RNF220: variants seen among roughly 807,000 people sequenced by gnomAD.
RNF220 encodes E3 ubiquitin-protein ligase RNF220.
In RNF220, 7 loss-of-function variants were observed where a neutral mutation model predicts 67.1. The ratio of observed to expected loss-of-function variants is 0.10; its 90% confidence interval spans 0.06 to 0.20. The LOEUF (loss-of-function observed/expected upper bound fraction) is 0.20. RNF220 is among the 10% of genes least tolerant of loss of function. RNF220 has a pLI of 1.00. For missense variants in RNF220, 565 were observed against 740.3 expected (o/e 0.76, Z 2.75); for synonymous variants, 270 against 283.2 (o/e 0.95, Z 0.47).
chr1:44,505,553 T>A (rs1434301048), intron 2 of RNF220, among the ~76,000 whole-genome samples: 1 of 152,266 alleles, frequency 6.6e-6, no homozygotes, highest in Non-Finnish European at 1.5e-5. Context: ...CTCGCTTGCC[T>A]GAGTTTGCAT....
intron 2 of RNF220, among the ~76,000 whole-genome samples, chr1:44,511,599 G>A (rs1572725212): frequency 1.3e-5 from 2 of 152,326 alleles, no homozygotes; most frequent in Middle Eastern, 6.8e-3. Flanking sequence ...GCAGGTAGGA[G>A]AATACTCAGA....
intron 2 of RNF220, among the ~76,000 whole-genome samples, chr1:44,473,742 A>G (rs751197926): frequency 1.3e-5 from 2 of 152,140 alleles, no homozygotes; most frequent in Admixed American, 6.5e-5. Context: ...GAATAATAAT[A>G]TCGTAGCTAT....
intron 2 of RNF220, among the ~76,000 whole-genome samples, chr1:44,487,708 TAAC>T (rs1227125553): frequency 4.8e-5 from 7 of 146,720 alleles, no homozygotes; most frequent in South Asian, 2.2e-4. Context: ...ATAATAATAA[TAAC>T]AATAATAATA....
chr1:44,488,223 C>A (rs761994613), intron 2 of RNF220, among the ~76,000 whole-genome samples: 49 of 151,628 alleles, frequency 3.2e-4, no homozygotes, highest in Non-Finnish European at 5.6e-4. Context: ...GCAACCTTCG[C>A]CTCCTGGGTT....
intron 2 of RNF220, among the ~76,000 whole-genome samples, chr1:44,566,972 C>T (rs1283259498): frequency 6.6e-6 from 1 of 152,198 alleles, no homozygotes; most frequent in African/African-American, 2.4e-5. Context: ...TGCCAAGGAC[C>T]CCTAGAATAG....
At chr1:44,468,463 A>G (rs1023089533) in intron 2 of RNF220, among the ~76,000 whole-genome samples, 2 of 152,236 alleles carry the variant, frequency 1.3e-5, no homozygotes, top group Non-Finnish European at 2.9e-5. Context: ...AGCTATATAT[A>G]TAAGTTATTG....
chr1:44,494,223 G>A (rs929293675), intron 2 of RNF220, among the ~76,000 whole-genome samples: 286 of 86,360 alleles, frequency 3.3e-3, no homozygotes, highest in Middle Eastern at 0.011. Flanking sequence ...AAAAAAAAAA[G>A]AATCATGAGG....
chr1:44,567,828 C>T (rs563656014), intron 2 of RNF220, among the ~76,000 whole-genome samples: 5 of 152,190 alleles, frequency 3.3e-5, no homozygotes, highest in East Asian at 1.9e-4. Context: ...GTGTACCAGG[C>T]GCCATGTGAA....
At chr1:44,627,617 C>A in intron 5 of RNF220, among the ~76,000 whole-genome samples, 1 of 152,168 alleles carries the variant, frequency 6.6e-6, no homozygotes, top group East Asian at 1.9e-4. Context: ...AGAGCCCTGT[C>A]TTTAAGAACC....
Position 44,645,602 on chromosome 1 carries a change from TG to T in RNF220, c.1445+115del. On this transcript the variant is annotated intron_variant, in intron 12 of 14. Coordinates refer to ENST00000361799, the MANE Select transcript of RNF220 (RefSeq NM_018150.4). The surrounding 1 kb of genome is among the most constrained non-coding windows in gnomAD (Gnocchi z 5.0). ...TCTGGCCCTCCCAAGTGCAGCTCAG[TG>T]CTGCTGCCCTGGGCACACGGCCGGC... 1 of 1,039,622 alleles carries T rather than the reference TG, an allele frequency of 9.6e-7. No homozygotes were observed. The highest frequency in any genetic ancestry group is 1.4e-6 in the Non-Finnish European group (1 of 690,868). The allele number at this position is 1,039,622 out of a possible 1,614,324, so 64.4% of individuals were successfully genotyped here.
intron 2 of RNF220, among the ~76,000 whole-genome samples, chr1:44,460,940 C>A (rs1325104910): frequency 6.6e-6 from 1 of 152,148 alleles, no homozygotes; most frequent in Non-Finnish European, 1.5e-5. Flanking sequence ...CCTGGCCTTC[C>A]CCCTTCCCTG....
chr1:44,535,846 A>G (rs1460323464), intron 2 of RNF220, among the ~76,000 whole-genome samples: 1 of 152,154 alleles, frequency 6.6e-6, no homozygotes, highest in Non-Finnish European at 1.5e-5. Flanking sequence ...CCTGTGGCCC[A>G]TTCCCAACAG....
intron 2 of RNF220, among the ~76,000 whole-genome samples, chr1:44,425,809 A>G (rs1649707709): frequency 6.6e-6 from 1 of 152,216 alleles, no homozygotes; most frequent in Non-Finnish European, 1.5e-5. Flanking sequence ...AGGTACATGC[A>G]AGATGTCTAT....
chr1:44,561,670 A>G (rs1663584624), intron 2 of RNF220, among the ~76,000 whole-genome samples: 1 of 152,186 alleles, frequency 6.6e-6, no homozygotes, highest in African/African-American at 2.4e-5. Context: ...TAATCCCAGC[A>G]TTTTGGGAGA....
chr1:44,566,208 G>A (rs753536340), intron 2 of RNF220, among the ~76,000 whole-genome samples: 4 of 152,126 alleles, frequency 2.6e-5, no homozygotes, highest in South Asian at 2.1e-4. Context: ...GGAGTGCAGC[G>A]CCCAGCCCAG....
Position 44,650,148 on chromosome 1 carries a change from A to G in RNF220, c.1629+191A>G, listed in dbSNP as rs568174610. ...GCCTCTCCTCCCCAACTGCAGGTTT[A>G]GGAACTTCTCCCCCTCCATGAGTTC... On this transcript the variant is annotated intron_variant, in intron 14 of 14. Coordinates refer to ENST00000361799, the MANE Select transcript of RNF220 (RefSeq NM_018150.4). The surrounding 1 kb of genome is among the most constrained non-coding windows in gnomAD (Gnocchi z 4.3). 177 of 628,500 alleles carry G rather than the reference A, an allele frequency of 2.8e-4. No individual in the cohort carries two copies. The highest frequency in any genetic ancestry group is 1.7e-3 in the Middle Eastern group (4 of 2,328). 38.9% of individuals were successfully genotyped at this position (628,500 alleles called of 1,614,324 possible).
At position 44,635,530 on chromosome 1, in the gene RNF220, G is replaced by T. The variant is rs781512558; in HGVS notation, c.950-15G>T. ...TCTGCTTGTTCTGTGCTTTGTTTTC[G>T]GTTTCCCCGTGCAGCTCGGATTGGG... On this transcript the variant is annotated splice_polypyrimidine_tract_variant and intron_variant, in intron 6 of 14. Transcript: ENST00000361799. The T allele has an allele frequency of 6.2e-7, 1 of 1,612,136 alleles. No individual in the cohort carries two copies. Among genetic ancestry groups the T allele is most frequent in the Non-Finnish European group, 8.5e-7 (1 of 1,179,208 alleles).
rs146985775 is a variant in RNF220 at position 44,617,211 on chromosome 1, G to A, written c.758+2914G>A. 3.1e-3 allele frequency among the ~76,000 whole-genome samples: 465 copies of A among 152,328 alleles called. 4 individuals are homozygous for A. Among genetic ancestry groups the A allele is most frequent in the African/African-American group, 0.011 (443 of 41,594 alleles). On this transcript the variant is annotated intron_variant, in intron 3 of 14. Transcript: ENST00000361799. ...CAGCAAGTGAAATTCCCGTCGGATCGATAAAGCCGAAACGCTGGCGGCGAC... is the reference window on the plus strand; with the variant it reads ...CAGCAAGTGAAATTCCCGTCGGATCAATAAAGCCGAAACGCTGGCGGCGAC...
In RNF220 at chr1:44,487,947, TTAGAGTGG is replaced by T. The variant is rs1186834271; in HGVS notation, c.625+75229_625+75236del. On this transcript the variant is annotated intron_variant, in intron 2 of 14. Transcript: ENST00000361799. The stretch of plus-strand genomic sequence containing the variant: ...TGCTCACTTTAGTAATAGGAGTATC[TTAGAGTGG>T]TAGCCTTTTGGCACTGCGATTTTTT... Among the ~76,000 whole-genome samples the T allele has an allele frequency of 4.2e-5, 6 of 143,568 alleles. No individual in the cohort carries two copies. The Admixed American group carries it at 4.5e-4, about 11-fold the overall frequency. The allele number at this position is 143,568 out of a possible 152,430, so 94.2% of individuals were successfully genotyped here.
Sources: allele counts gnomAD v4.1 joint callset (sites outside exome capture counted in the v4.1 genomes callset), GRCh38; gene constraint gnomAD v4.1.1; non-coding constraint Gnocchi (gnomAD v3.1); transcripts MANE v1.5; gene names NCBI Gene and HGNC (gene_info 2026-07-23, HGNC 2026-07-21).